RIPOR3: variants seen among roughly 807,000 people sequenced by gnomAD.
The protein encoded by RIPOR3 is RIPOR family member 3.
In RIPOR3, 95 loss-of-function variants were observed where a neutral mutation model predicts 114.3. The observed-to-expected ratio is 0.83, with a 90% CI of 0.70 to 0.99. RIPOR3 has a LOEUF of 0.99. RIPOR3 is among the 50% of genes least tolerant of loss of function. The pLI is 0.00. For missense variants in RIPOR3, 1,252 were observed against 1,266.9 expected (o/e 0.99, Z 0.18); for synonymous variants, 575 against 543.8 (o/e 1.06, Z -0.80).
intron 16 of RIPOR3, 187 bp downstream of exon 16, chr20:50,595,182 A>G: frequency 2.9e-6 from 2 of 699,604 alleles, no homozygotes; most frequent in Non-Finnish European, 4.8e-6. Context: ...GTGTGCTGCA[A>G]CTCCAGGACT....
intron 1 of RIPOR3, among the ~76,000 whole-genome samples, chr20:50,670,415 C>G (rs1600735013): frequency 1.7e-5 from 2 of 120,698 alleles, no homozygotes; most frequent in African/African-American, 6.4e-5. Context: ...CTGGGAGGAG[C>G]AGAAGGAAAT....
intron 17 of RIPOR3, among the ~76,000 whole-genome samples, chr20:50,593,884 A>G (rs1423258037): frequency 6.6e-6 from 1 of 152,090 alleles, no homozygotes; most frequent in Non-Finnish European, 1.5e-5. Context: ...GCATTTCTAG[A>G]TACCCTCGTG....
chr20:50,663,932 T>A (rs1241457562), intron 1 of RIPOR3, among the ~76,000 whole-genome samples: 1 of 151,340 alleles, frequency 6.6e-6, no homozygotes, highest in Non-Finnish European at 1.5e-5. Context: ...TCTCTTTTTT[T>A]TTTTTTTTTT....
intron 6 of RIPOR3, among the ~76,000 whole-genome samples, chr20:50,610,169 GT>G: frequency 1.4e-5 from 2 of 139,918 alleles, no homozygotes; most frequent in Non-Finnish European, 1.6e-5. Context: ...TGCCAACCCT[GT>G]CTCACCTGCC....
In RIPOR3 at chr20:50,604,672, G is replaced by T. The variant is rs1410583782; in HGVS notation, c.1059C>A (p.Thr353=). The part of the protein sequence containing the change: ...GSLYNWTPPS[T]PSFRERYYLS... ...GGTAGTATCTCTCCCGGAAGCTGGG[G>T]GTGCTCGGGGGTGTCCAGTTGTACA... The change falls in exon 12 of 22, where the codon ACC becomes ACA. Residue 353 remains threonine (T), a synonymous_variant. Transcript: ENST00000327979. The T allele has an allele frequency of 6.2e-7, 1 of 1,608,132 alleles. No individual in the cohort carries two copies. Among genetic ancestry groups the T allele is most frequent in the Non-Finnish European group, 8.5e-7 (1 of 1,177,806 alleles).
intron 2 of RIPOR3, among the ~76,000 whole-genome samples, chr20:50,621,373 G>C (rs963731543): frequency 5.9e-5 from 9 of 152,148 alleles, no homozygotes. Context: ...CACCTCCCCA[G>C]CTCTGCTTTT....
intron 1 of RIPOR3, among the ~76,000 whole-genome samples, chr20:50,661,519 GGA>G (rs2085995671): frequency 6.6e-6 from 1 of 152,278 alleles, no homozygotes; most frequent in African/African-American, 2.4e-5. Flanking sequence ...AGGCTCTTTG[GGA>G]GAGTTTACTT....
At position 50,595,566 on chromosome 20, in the gene RIPOR3, C is replaced by G. The variant is rs190433865; in HGVS notation, c.1915-62G>C. On this transcript the variant is annotated intron_variant, in intron 15 of 21. Transcript: ENST00000327979. ...ACATGCCCACCGAGGTCAGCTGTTA[C>G]GGCTGTGGCTCCCACCTGCTTGTGC... 2.3e-4 allele frequency: 365 copies of G among 1,587,890 alleles called. 1 individual carries two copies. In the Admixed American group the frequency reaches 2.5e-3, roughly 11 times the overall value.
chr20:50,673,452 T>C (rs1300199530), intron 1 of RIPOR3, among the ~76,000 whole-genome samples: 1 of 152,134 alleles, frequency 6.6e-6, no homozygotes, highest in African/African-American at 2.4e-5. Flanking sequence ...CCTGGCTTTG[T>C]CCTTCAGGAT....
chr20:50,671,070 G>T (rs1395631684), intron 1 of RIPOR3, among the ~76,000 whole-genome samples: 1 of 152,150 alleles, frequency 6.6e-6, no homozygotes, highest in African/African-American at 2.4e-5. Context: ...TGGAACCAAA[G>T]GCATGCACCA....
intron 1 of RIPOR3, among the ~76,000 whole-genome samples, chr20:50,642,341 TGTGG>T (rs2085229770): frequency 1.5e-5 from 1 of 68,518 alleles, no homozygotes; most frequent in African/African-American, 1.7e-4. Context: ...AATTGTTCTC[TGTGG>T]GTGTGTGTGT....
chr20:50,608,326 G>A, intron 11 of RIPOR3, 63 bp downstream of exon 11: 1 of 1,602,910 alleles, frequency 6.2e-7, no homozygotes, highest in Non-Finnish European at 8.5e-7. Context: ...GGGCCAGAGT[G>A]TGGCCAGGCC....
At chr20:50,621,527 G>A (rs1393680264) in intron 2 of RIPOR3, among the ~76,000 whole-genome samples, 1 of 152,236 alleles carries the variant, frequency 6.6e-6, no homozygotes, top group Non-Finnish European at 1.5e-5. Context: ...CCTGGGCCAA[G>A]AAGTATGGGG....
chr20:50,678,626 T>C (rs1404613144), intron 1 of RIPOR3, among the ~76,000 whole-genome samples: 2 of 152,278 alleles, frequency 1.3e-5, no homozygotes, highest in East Asian at 3.9e-4. Context: ...CTCACGTCCA[T>C]CATCAGGGGA....
In RIPOR3 at chr20:50,639,864, G is replaced by A. The variant is rs191017749; in HGVS notation, c.4-9008C>T. Reference sequence around the variant, plus strand: ...GTTATGGGAGGGTCCCTGGACCTCAGCATGTAATGCTTTGCTGTGGAGGCT... The same window carrying A: ...GTTATGGGAGGGTCCCTGGACCTCAACATGTAATGCTTTGCTGTGGAGGCT... On this transcript the variant is annotated intron_variant, in intron 1 of 21. Coordinates refer to ENST00000327979, the MANE Select transcript of RIPOR3 (RefSeq NM_001290268.2). 5.3e-5 allele frequency among the ~76,000 whole-genome samples: 8 copies of A among 152,184 alleles called. No individual in the cohort carries two copies. The East Asian group carries it at 1.5e-3, about 29-fold the overall frequency.
chr20:50,648,684 C>T (rs982464115), intron 1 of RIPOR3, among the ~76,000 whole-genome samples: 2 of 151,938 alleles, frequency 1.3e-5, no homozygotes, highest in African/African-American at 2.4e-5. Context: ...ACTAGATGGT[C>T]CCATCTGGGG....
At chr20:50,606,322 T>C (rs6096022) in intron 11 of RIPOR3, among the ~76,000 whole-genome samples, 92,190 of 152,072 alleles carry the variant, frequency 0.61, 28,415 homozygotes, top group East Asian at 0.87. Context: ...AAACCTCAGG[T>C]CAATTCATGC....
At chr20:50,625,473 C>T (rs2084586277) in intron 2 of RIPOR3, among the ~76,000 whole-genome samples, 3 of 152,228 alleles carry the variant, frequency 2.0e-5, no homozygotes, top group South Asian at 4.1e-4. Context: ...TTGCATCACT[C>T]GCCTCTGGCT....
Position 50,595,324 on chromosome 20 carries a change from G to A in RIPOR3, c.2050+45C>T, listed in dbSNP as rs111726803. 7.8e-4 allele frequency: 1,249 copies of A among 1,599,024 alleles called. 10 individuals carry two copies. The African/African-American group carries it at 0.013, about 17-fold the overall frequency. On this transcript the variant is annotated intron_variant, in intron 16 of 21. Transcript: ENST00000327979. ...CTCCCCGAGCTTTGATCCCGTCCCCGTGCCGCTCACATAGGCAGCCCCTGG... is the reference window on the plus strand; with the variant it reads ...CTCCCCGAGCTTTGATCCCGTCCCCATGCCGCTCACATAGGCAGCCCCTGG...
Sources: allele counts gnomAD v4.1 joint callset (sites outside exome capture counted in the v4.1 genomes callset), GRCh38; gene constraint gnomAD v4.1.1; transcripts MANE v1.5; gene names NCBI Gene and HGNC (gene_info 2026-07-23, HGNC 2026-07-21).